Variants in AMER2 observed in about 807,000 individuals in gnomAD.
AMER2 encodes family with sequence similarity 123A.
AMER2 carries 1 observed loss-of-function variant against 4.7 expected under a neutral mutation model. The ratio of observed to expected loss-of-function variants is 0.21; its 90% CI spans 0.07 to 1.00. AMER2 has a LOEUF of 1.00. AMER2 is among the 50% of genes least tolerant of loss of function. AMER2 has a pLI of 0.60. For missense variants in AMER2, 988 were observed against 966.9 expected (o/e 1.02, Z -0.29); for synonymous variants, 485 against 433.3 (o/e 1.12, Z -1.48).
In AMER2 at chr13:25,170,376, A is replaced by G. The variant is rs1213481898; in HGVS notation, c.1244T>C (p.Val415Ala). ...TTCCCCGCCTCCTTGGTAGGCCACC[A>G]CGCCGGGGTTCTTTTTAGACAGAGC... is the stretch of plus-strand genomic sequence containing the variant. ...KPALSKKNPG[V>A]VAYQGGGEEM... Residue 415 changes from valine to alanine, a missense_variant, in exon 1 of 1, where the codon GTG becomes GCG. Physicochemically the swap from Val to Ala is moderately conservative, Grantham distance 64. Coordinates refer to ENST00000515384, the MANE Select transcript of AMER2 (RefSeq NM_152704.4). This position sits in a 1 kb window ranked among gnomAD's most constrained non-coding sequence, Gnocchi z 7.3. The G allele has an allele frequency of 1.2e-6, 2 of 1,613,856 alleles. No individual in the cohort carries two copies. The highest frequency in any genetic ancestry group is 1.7e-6 in the Non-Finnish European group (2 of 1,179,972).
Position 25,165,378 on chromosome 13 carries a change from G to C in AMER2, c.*4226C>G, listed in dbSNP as rs1956465382. The C allele has an allele frequency of 6.6e-6, 1 of 152,302 alleles. No homozygotes were observed. Among genetic ancestry groups the C allele is most frequent in the Admixed American group, 6.5e-5 (1 of 15,290 alleles). The allele number at this position is 152,302 out of a possible 1,614,324, so 9.4% of individuals were successfully genotyped here. ...ACAATGTCACAGCTCGCTTCTGCCT[G>C]TGAACTACACCCTTGCCTTTTGCTT... On this transcript the variant is annotated 3_prime_UTR_variant, in exon 1 of 1. Transcript: ENST00000515384.
At position 25,166,373 on chromosome 13, in the gene AMER2, T is replaced by C. The variant is rs1229398819; in HGVS notation, c.*3231A>G. 2.0e-5 allele frequency: 3 copies of C among 152,240 alleles called. No homozygotes were observed. The highest frequency in any genetic ancestry group is 7.2e-5 in the African/African-American group (3 of 41,472). 9.4% of individuals were successfully genotyped at this position (152,240 alleles called of 1,614,324 possible). On this transcript the variant is annotated 3_prime_UTR_variant, in exon 1 of 1. Transcript: ENST00000515384. ...TTACTCTTGTGATTATTTAAAATGC[T>C]GTAGTAAAATTTCTCCCAATTGGTG...
rs773283297 is a variant in AMER2 at position 25,170,927 on chromosome 13, G to T, written c.693C>A (p.Thr231=). The T allele has an allele frequency of 6.7e-7, 1 of 1,488,390 alleles. No homozygotes were observed. Among genetic ancestry groups the T allele is most frequent in the African/African-American group, 1.4e-5 (1 of 69,070 alleles). 92.2% of individuals were successfully genotyped at this position (1,488,390 alleles called of 1,614,324 possible). Residue 231 remains threonine (T), a synonymous_variant, in exon 1 of 1, where the codon ACC becomes ACA. Coordinates refer to ENST00000515384, the MANE Select transcript of AMER2 (RefSeq NM_152704.4). The surrounding 1 kb of genome is among the most constrained non-coding windows in gnomAD (Gnocchi z 7.3). The stretch of plus-strand genomic sequence containing the variant: ...CCTCCTTGACGCACTCCAGGCTGGC[G>T]GTGAGCGAGCCGGGTAGGATCAAGC... The part of the protein sequence containing the change: ...GGGLILPGSL[T]ASLECVKEET...
Position 25,171,706 on chromosome 13 carries a change from G to A in AMER2, c.-87C>T. 2.1e-6 allele frequency: 3 copies of A among 1,409,300 alleles called. No homozygotes were observed. The highest frequency in any genetic ancestry group is 2.7e-6 in the Non-Finnish European group (3 of 1,092,128). The allele number at this position is 1,409,300 out of a possible 1,614,324, so 87.3% of individuals were successfully genotyped here. A position where few individuals can be genotyped will look rare whatever the true frequency, so the allele number is the denominator to read the frequency against. On this transcript the variant is annotated 5_prime_UTR_variant, in exon 1 of 1. Coordinates refer to ENST00000515384, the MANE Select transcript of AMER2 (RefSeq NM_152704.4). The surrounding 1 kb of genome is among the most constrained non-coding windows in gnomAD (Gnocchi z 5.9). ...CGTATTCTAAATCAACCTGAGCCGC[G>A]CTCGCCGCCGCCGCTGCAAAAGAAA...
chr13:25,168,134 T>C lies in AMER2; in HGVS notation c.*1470A>G, dbSNP rs1956500212. On this transcript the variant is annotated 3_prime_UTR_variant, in exon 1 of 1. Transcript: ENST00000515384. ...AATAGCATTCTAGGAACTGCTTCAG[T>C]TTATCATTCAAACTAGGCATATAAT... The C allele has an allele frequency of 2.6e-5, 4 of 152,180 alleles. No individual in the cohort carries two copies. 9.4% of individuals were successfully genotyped at this position (152,180 alleles called of 1,614,324 possible).
In AMER2 at chr13:25,169,592, G is replaced by C; in HGVS notation, c.*12C>G. The C allele has an allele frequency of 6.4e-7, 1 of 1,559,844 alleles. No homozygotes were observed. Among genetic ancestry groups the C allele is most frequent in the Non-Finnish European group, 8.7e-7 (1 of 1,152,262 alleles). On this transcript the variant is annotated 3_prime_UTR_variant, in exon 1 of 1. Transcript: ENST00000515384. The surrounding 1 kb of genome is among the most constrained non-coding windows in gnomAD (Gnocchi z 4.2). ...CTTGGCATGGGGCCCATCCACCTTG[G>C]CCTGGAAGACCTCACAACTTTTTGG...
At position 25,171,602 on chromosome 13, in the gene AMER2, GCTC is replaced by G; in HGVS notation, c.15_17del (p.Ser6del). Reference sequence around the variant, plus strand: ...CGCTGACAGCCCCGCCGCCGCCGCGGCTCCGGCTCGTCTCCATGGAAACCGCGC... The same window carrying G: ...CGCTGACAGCCCCGCCGCCGCCGCGGCGGCTCGTCTCCATGGAAACCGCGC... On this transcript the variant is annotated inframe_deletion, in exon 1 of 1. Coordinates refer to ENST00000515384, the MANE Select transcript of AMER2 (RefSeq NM_152704.4). The surrounding 1 kb of genome is among the most constrained non-coding windows in gnomAD (Gnocchi z 5.9). The G allele has an allele frequency of 6.7e-7, 1 of 1,492,710 alleles. No homozygotes were observed. Among genetic ancestry groups the G allele is most frequent in the Middle Eastern group, 1.8e-4 (1 of 5,500 alleles). 92.5% of individuals were successfully genotyped at this position (1,492,710 alleles called of 1,614,324 possible).
chr13:25,170,212 G>A lies in AMER2; in HGVS notation c.1408C>T (p.Pro470Ser), dbSNP rs1033224010. Residue 470 changes from proline (P) to serine (S), a missense_variant, in exon 1 of 1, where the codon CCC (proline) becomes TCC (serine). Transcript: ENST00000515384. This position sits in a 1 kb window ranked among gnomAD's most constrained non-coding sequence, Gnocchi z 7.3. ...CACCTGGTGTCTTTGGGGGTCTCGG[G>A]CACCACCTTGGTTTCCAGCGCAGCT... The part of the protein sequence containing the change: ...VAAALETKVV[P>S]ETPKDTRCVE... 2 of 1,612,188 alleles carry A rather than the reference G, an allele frequency of 1.2e-6. No homozygotes were observed. The highest frequency in any genetic ancestry group is 3.3e-5 in the Admixed American group (2 of 59,788).
rs1956423705 is a variant in AMER2, at chr13:25,162,740, T to A, written c.*6864A>T. ...AGTATGTCTCAGGTAACCAGAAACC[T>A]AAGCCATATCTTATTTAAAACGTAT... On this transcript the variant is annotated 3_prime_UTR_variant, in exon 1 of 1. Coordinates refer to ENST00000515384, the MANE Select transcript of AMER2 (RefSeq NM_152704.4). 1 of 152,218 alleles carries A rather than the reference T, an allele frequency of 6.6e-6. No homozygotes were observed. The highest frequency in any genetic ancestry group is 6.5e-5 in the Admixed American group (1 of 15,270). 9.4% of individuals were successfully genotyped at this position (152,218 alleles called of 1,614,324 possible).
At position 25,170,246 on chromosome 13, in the gene AMER2, A is replaced by G. The variant is rs1956539760; in HGVS notation, c.1374T>C (p.Ala458=). ...TGGTTTCCAGCGCAGCTGCCACCTT[A>G]GCCGCGCCCTCCTGGGGCTCGGGTC... is the stretch of plus-strand genomic sequence containing the variant. ...EQGPEPQEGA[A]KVAAALETKV... Residue 458 remains alanine (A), a synonymous_variant, in exon 1 of 1, where the codon GCT becomes GCC. Transcript: ENST00000515384. This position sits in a 1 kb window ranked among gnomAD's most constrained non-coding sequence, Gnocchi z 7.3. 6.2e-7 allele frequency: 1 copy of G among 1,612,534 alleles called. No individual in the cohort carries two copies. Among genetic ancestry groups the G allele is most frequent in the Non-Finnish European group, 8.5e-7 (1 of 1,179,308 alleles).
At position 25,170,971 on chromosome 13, in the gene AMER2, C is replaced by A; in HGVS notation, c.649G>T (p.Gly217Trp). ...DKRAKAEAAE[G>W]RAPGGGLILP... is the part of the protein sequence containing the mutation. ...ATCAAGCCGCCCCCGGGCGCGCGCC[C>A]CTCCGCGGCCTCCGCCTTGGCCCGC... is the stretch of plus-strand genomic sequence containing the variant. The change falls in exon 1 of 1, where the codon GGG becomes TGG. Residue 217 changes from glycine to tryptophan, a missense_variant. Gly to Trp is a radical substitution (Grantham distance 184). Transcript: ENST00000515384. This position sits in a 1 kb window ranked among gnomAD's most constrained non-coding sequence, Gnocchi z 7.3. 3.9e-6 allele frequency: 6 copies of A among 1,547,892 alleles called. No individual in the cohort carries two copies. The highest frequency in any genetic ancestry group is 5.2e-6 in the Non-Finnish European group (6 of 1,149,442).
rs1417010736 is a variant in AMER2, at chr13:25,170,620, C to A, written c.1000G>T (p.Asp334Tyr). ...AVPVKTVPLV[D>Y]SEGGSGRAPA... ...GCCCGGCCGCTGCCGCCTTCGGAGT[C>A]GACAAGGGGGACCGTCTTTACGGGA... is the stretch of plus-strand genomic sequence containing the variant. Residue 334 changes from aspartate to tyrosine, a missense_variant, in exon 1 of 1, where the codon GAC (aspartate) becomes TAC (tyrosine). Asp to Tyr is a radical substitution (Grantham distance 160, BLOSUM62 -3). Coordinates refer to ENST00000515384, the MANE Select transcript of AMER2 (RefSeq NM_152704.4). The surrounding 1 kb of genome is among the most constrained non-coding windows in gnomAD (Gnocchi z 7.3). 2 of 1,568,530 alleles carry A rather than the reference C, an allele frequency of 1.3e-6. No individual in the cohort carries two copies. Among genetic ancestry groups the A allele is most frequent in the East Asian group, 2.3e-5 (1 of 42,716 alleles).
rs1168793458 is a variant in AMER2 at position 25,171,028 on chromosome 13, ACAGCCCCCG to A, written c.583_591del (p.Arg195_Leu197del). The A allele has an allele frequency of 5.1e-6, 8 of 1,572,330 alleles. No individual in the cohort carries two copies. The highest frequency in any genetic ancestry group is 6.9e-6 in the Non-Finnish European group (8 of 1,160,908). ...TTCCTGTGCCAGCGCATGCCGCTGAACAGCCCCCGCAGCCCCCGCTTTTGTTTGCCGCCG... is the reference window on the plus strand; with the variant it reads ...TTCCTGTGCCAGCGCATGCCGCTGAACAGCCCCCGCTTTTGTTTGCCGCCG... On this transcript the variant is annotated inframe_deletion, in exon 1 of 1. Transcript: ENST00000515384. The surrounding 1 kb of genome is among the most constrained non-coding windows in gnomAD (Gnocchi z 5.9).
In AMER2 at chr13:25,170,626, G is replaced by C. The variant is rs771434632; in HGVS notation, c.994C>G (p.Leu332Val). Residue 332 changes from leucine (L) to valine (V), a missense_variant, in exon 1 of 1, where the codon CTT becomes GTT. By Grantham distance (32) the Leu-to-Val change is conservative. Transcript: ENST00000515384. The surrounding 1 kb of genome is among the most constrained non-coding windows in gnomAD (Gnocchi z 7.3). ...CCGCTGCCGCCTTCGGAGTCGACAA[G>C]GGGGACCGTCTTTACGGGAACGGCC... ...TGAVPVKTVPLVDSEGGSGRA... is the reference protein window; with the variant it reads ...TGAVPVKTVPVVDSEGGSGRA... 7.7e-6 allele frequency: 12 copies of C among 1,564,548 alleles called. No homozygotes were observed. The Admixed American group carries it at 2.3e-4, about 30-fold the overall frequency.
Position 25,164,582 on chromosome 13 carries a change from G to GAGAC in AMER2, c.*5021_*5022insGTCT, listed in dbSNP as rs1245917002. On this transcript the variant is annotated 3_prime_UTR_variant, in exon 1 of 1. Transcript: ENST00000515384. ...CTGTCCTAGAGACTAGGGGAAAAGA[G>GAGAC]AGAGAGAGACAGACAGACAGAGATG... 6.6e-6 allele frequency: 1 copy of GAGAC among 150,652 alleles called. No individual in the cohort carries two copies. The highest frequency in any genetic ancestry group is 1.5e-5 in the Non-Finnish European group (1 of 67,896). 9.3% of individuals were successfully genotyped at this position (150,652 alleles called of 1,614,324 possible).
chr13:25,170,607 C>G lies in AMER2; in HGVS notation c.1013G>C (p.Gly338Ala). ...KTVPLVDSEG[G>A]SGRAPAAPDP... ...TGGGGCGGCGGGCGCCCGGCCGCTG[C>G]CGCCTTCGGAGTCGACAAGGGGGAC... The change falls in exon 1 of 1, where the codon GGC becomes GCC. Residue 338 changes from glycine (G) to alanine (A), a missense_variant. Transcript: ENST00000515384. This position sits in a 1 kb window ranked among gnomAD's most constrained non-coding sequence, Gnocchi z 7.3. The G allele has an allele frequency of 6.3e-7, 1 of 1,580,190 alleles. No homozygotes were observed. The highest frequency in any genetic ancestry group is 8.6e-7 in the Non-Finnish European group (1 of 1,162,504).
Position 25,171,155 on chromosome 13 carries a change from G to T in AMER2, c.465C>A (p.Ser155Arg). The T allele has an allele frequency of 2.6e-6, 4 of 1,542,548 alleles. No homozygotes were observed. Among genetic ancestry groups the T allele is most frequent in the South Asian group, 1.2e-5 (1 of 83,984 alleles). ...AGAAGCTGTGCGACTTGGCCACCGA[G>T]CTGCTGGCGAGGGAGCCCCCGCCGG... ...AGPGGGSLAS[S>R]SVAKSHSFFS... The change falls in exon 1 of 1, where the codon AGC becomes AGA. Residue 155 changes from serine to arginine, a missense_variant. Ser to Arg is a moderately radical substitution (Grantham distance 110, BLOSUM62 -1). Coordinates refer to ENST00000515384, the MANE Select transcript of AMER2 (RefSeq NM_152704.4). This position sits in a 1 kb window ranked among gnomAD's most constrained non-coding sequence, Gnocchi z 5.9.
Position 25,170,975 on chromosome 13 carries a change from C to A in AMER2, c.645G>T (p.Ala215=), listed in dbSNP as rs201125341. 106 of 1,549,948 alleles carry A rather than the reference C, an allele frequency of 6.8e-5. No homozygotes were observed. In the Admixed American group the frequency reaches 1.5e-3, roughly 22 times the overall value. The part of the protein sequence containing the change: ...RKDKRAKAEA[A]EGRAPGGGLI... Reference sequence around the variant, plus strand: ...AGCCGCCCCCGGGCGCGCGCCCCTCCGCGGCCTCCGCCTTGGCCCGCTTGT... The same window carrying A: ...AGCCGCCCCCGGGCGCGCGCCCCTCAGCGGCCTCCGCCTTGGCCCGCTTGT... The change falls in exon 1 of 1, where the codon GCG becomes GCT. Residue 215 remains alanine, a synonymous_variant. Coordinates refer to ENST00000515384, the MANE Select transcript of AMER2 (RefSeq NM_152704.4). The surrounding 1 kb of genome is among the most constrained non-coding windows in gnomAD (Gnocchi z 7.3).
rs931992607 is a variant in AMER2, at chr13:25,169,687, G to C, written c.1933C>G (p.Leu645Val). The C allele has an allele frequency of 5.0e-6, 8 of 1,614,024 alleles. No individual in the cohort carries two copies. In the African/African-American group the frequency reaches 8.0e-5, roughly 16 times the overall value. ...PRTKIPVSKV[L>V]VRRVSNRGLA... is the part of the protein sequence containing the mutation. ...CCCCGGTTGCTGACTCTGCGGACCA[G>C]CACTTTGGAAACCGGGATTTTTGTT... is the stretch of plus-strand genomic sequence containing the variant. Residue 645 changes from leucine to valine, a missense_variant, in exon 1 of 1, where the codon CTG becomes GTG. Leu to Val is a conservative substitution (Grantham distance 32). Transcript: ENST00000515384. The surrounding 1 kb of genome is among the most constrained non-coding windows in gnomAD (Gnocchi z 4.2).
Sources: allele counts gnomAD v4.1 joint callset, GRCh38; gene constraint gnomAD v4.1.1; non-coding constraint Gnocchi (gnomAD v3.1); transcripts MANE v1.5; gene names NCBI Gene and HGNC (gene_info 2026-07-23, HGNC 2026-07-21).